Variants in TRDN observed in about 807,000 individuals in gnomAD.
The protein encoded by TRDN is triadin in skeletal muscle.
A neutral mutation model predicts 149.7 loss-of-function variants in TRDN; 161 were observed. The observed-to-expected ratio is 1.08, with a 90% CI of 0.95 to 1.23. The LOEUF (loss-of-function observed/expected upper bound fraction) is 1.23. TRDN is among the 50% of genes most tolerant of loss of function. The pLI is 0.00. For synonymous variants in TRDN, 294 were observed against 250.5 expected (o/e 1.17, Z -1.64); for missense variants, 896 against 823.5 (o/e 1.09, Z -1.08).
At chr6:123,544,862 A>G (rs1195719797) in intron 4 of TRDN, among the ~76,000 whole-genome samples, 3 of 151,982 alleles carry the variant, frequency 2.0e-5, no homozygotes, top group Non-Finnish European at 2.9e-5. Context: ...AGGCTAGCAG[A>G]ATCAAATATT....
chr6:123,222,721 T>A (rs1267376731), intron 39 of TRDN, among the ~76,000 whole-genome samples: 2 of 135,854 alleles, frequency 1.5e-5, no homozygotes, highest in African/African-American at 3.7e-5. Flanking sequence ...GAGAAAATAC[T>A]TTTTTTTTAT....
rs150508873 is a variant in TRDN at position 123,468,285 on chromosome 6, T to C, written c.854-3302A>G. Among the ~76,000 whole-genome samples, 438 of 152,308 alleles carry C rather than the reference T, an allele frequency of 2.9e-3. 1 individual carries two copies. Among genetic ancestry groups the C allele is most frequent in the African/African-American group, 9.6e-3 (399 of 41,572 alleles). ...AGGAAAGATTTAGGCTGTTGAAATT[T>C]ACATTCGAACTCTAAAGGTGCCCTT... On this transcript the variant is annotated intron_variant, in intron 9 of 40. Transcript: ENST00000334268.
chr6:123,616,487 T>G (rs1343064766), intron 1 of TRDN, among the ~76,000 whole-genome samples: 1 of 152,206 alleles, frequency 6.6e-6, no homozygotes, highest in African/African-American at 2.4e-5. Context: ...TAATTTTACA[T>G]TTTATTCTGT....
chr6:123,370,065 A>T (rs13198584), intron 19 of TRDN, among the ~76,000 whole-genome samples: 1 of 152,092 alleles, frequency 6.6e-6, no homozygotes, highest in African/African-American at 2.4e-5. Context: ...TATCATATAA[A>T]CAGAAGGCAT....
intron 12 of TRDN, among the ~76,000 whole-genome samples, chr6:123,415,480 A>C (rs1773612120): frequency 6.6e-6 from 1 of 152,242 alleles, no homozygotes; most frequent in Non-Finnish European, 1.5e-5. Context: ...GCAAGGCTCA[A>C]AGCCAGACAG....
chr6:123,267,101 C>CAA (rs768727745), intron 32 of TRDN, among the ~76,000 whole-genome samples: 1 of 69,338 alleles, frequency 1.4e-5, no homozygotes, highest in Non-Finnish European at 2.4e-5. Context: ...GATTTTGTCT[C>CAA]AAAAAAAAAA....
intron 9 of TRDN, among the ~76,000 whole-genome samples, chr6:123,478,445 T>A (rs529453294): frequency 3.8e-4 from 58 of 152,322 alleles, no homozygotes; most frequent in African/African-American, 1.3e-3. Flanking sequence ...CTTCATTTTT[T>A]AAAAATAATT....
chr6:123,273,882 G>A (rs1367681), intron 27 of TRDN, among the ~76,000 whole-genome samples: 27,589 of 151,850 alleles, frequency 0.18, 3,137 homozygotes, highest in East Asian at 0.54. Flanking sequence ...GGTACCAGAG[G>A]TATGACTTAA....
chr6:123,582,869 G>C (rs1783202106), intron 1 of TRDN, among the ~76,000 whole-genome samples: 1 of 151,958 alleles, frequency 6.6e-6, no homozygotes, highest in Non-Finnish European at 1.5e-5. Flanking sequence ...GGATTGGGGG[G>C]GCGTGGGAAC....
Position 123,471,156 on chromosome 6 carries a change from G to A in TRDN, c.854-6173C>T, listed in dbSNP as rs1268820495. On this transcript the variant is annotated intron_variant, in intron 9 of 40. Coordinates refer to ENST00000334268, the MANE Select transcript of TRDN (RefSeq NM_006073.4). ...AGAGAAGTGGATAAATTCACAGTAC[G>A]TTTTAAAGTAGACCTAATAAGACTT... The A allele has an allele frequency of 3.9e-5, 6 of 152,278 alleles. No individual in the cohort carries two copies. The South Asian group carries it at 6.2e-4, about 16-fold the overall frequency. The allele number at this position is 152,278 out of a possible 1,614,324, so 9.4% of individuals were successfully genotyped here.
At chr6:123,327,995 A>T (rs970099569) in intron 23 of TRDN, among the ~76,000 whole-genome samples, 2 of 152,198 alleles carry the variant, frequency 1.3e-5, no homozygotes, top group African/African-American at 4.8e-5. Flanking sequence ...TTTAGTCAAA[A>T]TCATTTTAAA....
intron 23 of TRDN, 83 bp from the exon 24 acceptor site, chr6:123,316,578 A>G: frequency 1.7e-6 from 2 of 1,172,594 alleles, no homozygotes; most frequent in Non-Finnish European, 2.5e-6. Flanking sequence ...AAAGTGGATT[A>G]ATAGGTAGGC....
chr6:123,248,405 A>G (rs1040206867), intron 38 of TRDN, among the ~76,000 whole-genome samples: 2 of 151,956 alleles, frequency 1.3e-5, no homozygotes, highest in African/African-American at 4.8e-5. Context: ...GAACATACAA[A>G]AATTAGCCAG....
At chr6:123,305,989 C>T (rs777687837) in intron 24 of TRDN, among the ~76,000 whole-genome samples, 13 of 152,072 alleles carry the variant, frequency 8.5e-5, no homozygotes, top group Non-Finnish European at 1.9e-4. Flanking sequence ...TTGTTGGTTA[C>T]CTTCAGAATT....
chr6:123,301,752 C>CATATATATATATACAT (rs1778410499), intron 24 of TRDN, among the ~76,000 whole-genome samples: 2 of 77,116 alleles, frequency 2.6e-5, no homozygotes, highest in African/African-American at 8.7e-5. Flanking sequence ...TATATATATA[C>CATATATATATATACAT]ATATATATAT....
chr6:123,290,343 GAT>G (rs1436272787), intron 24 of TRDN, among the ~76,000 whole-genome samples: 1 of 151,948 alleles, frequency 6.6e-6, no homozygotes, highest in Non-Finnish European at 1.5e-5. Context: ...CAGGCATTGT[GAT>G]ATGTGTTGTG....
intron 38 of TRDN, 22 bp downstream of exon 38, chr6:123,252,390 C>A: frequency 6.9e-7 from 1 of 1,453,448 alleles, no homozygotes; most frequent in South Asian, 1.3e-5. Flanking sequence ...GAGAACTTGT[C>A]ATTAATACAA....
At chr6:123,522,444 G>A (rs1321595442) in intron 5 of TRDN, among the ~76,000 whole-genome samples, 4 of 150,594 alleles carry the variant, frequency 2.7e-5, no homozygotes, top group East Asian at 2.0e-4. Flanking sequence ...ACATGGGGGG[G>A]GAAAGCCAGA....
intron 19 of TRDN, among the ~76,000 whole-genome samples, chr6:123,370,900 T>A (rs1162586689): frequency 6.8e-6 from 1 of 146,394 alleles, no homozygotes; most frequent in Non-Finnish European, 1.5e-5. Flanking sequence ...CCATTGTCTA[T>A]CAAGGTCTTT....
Sources: gnomAD v4.1 joint callset for allele counts (sites outside exome capture counted in the v4.1 genomes callset) on GRCh38, gnomAD v4.1.1 for gene constraint, MANE v1.5 for transcripts, NCBI Gene and HGNC (gene_info 2026-07-23, HGNC 2026-07-21) for gene names.